Variants in ZNF808 observed in about 807,000 individuals in gnomAD.
ZNF808 encodes zinc finger protein 808.
In ZNF808, 5 loss-of-function variants were observed where a neutral mutation model predicts 8.7. The observed-to-expected ratio is 0.58, with a 90% CI of 0.30 to 1.21. The LOEUF (loss-of-function observed/expected upper bound fraction) is 1.21. Among genes scored for constraint, ZNF808 ranks in the 50% most tolerant of loss-of-function variants. ZNF808 has a pLI of 0.07. For synonymous variants in ZNF808, 380 were observed against 366.0 expected, an observed-to-expected ratio of 1.04 and a Z score of -0.44; for missense variants, 1,103 against 1,098.4, an observed-to-expected ratio of 1.00 and a Z score of -0.06.
At chr19:52,548,509 A>T (rs557813429) in intron 4 of ZNF808, among the ~76,000 whole-genome samples, 100 of 151,774 alleles carry the variant, frequency 6.6e-4, no homozygotes, top group Middle Eastern at 3.4e-3. Flanking sequence ...CACAACCTCC[A>T]CCTTTTGGGT....
At chr19:52,529,911 A>ATTT (rs201852253) in intron 1 of ZNF808, among the ~76,000 whole-genome samples, 116 of 81,916 alleles carry the variant, frequency 1.4e-3, no homozygotes, top group African/African-American at 5.7e-3. Flanking sequence ...ATATATATAT[A>ATTT]TTTTTTTTTT....
At chr19:52,535,552 C>T (rs1255043229) in intron 2 of ZNF808, among the ~76,000 whole-genome samples, 3 of 152,104 alleles carry the variant, frequency 2.0e-5, no homozygotes, top group East Asian at 1.9e-4. Flanking sequence ...TGACCTCACT[C>T]CTCCCTGGCC....
downstream of ZNF808, among the ~76,000 whole-genome samples, chr19:52,565,415 C>T (rs772504926): frequency 6.6e-5 from 10 of 152,138 alleles, no homozygotes; most frequent in African/African-American, 9.7e-5. Context: ...CCATTTTATT[C>T]CTAAACAATA....
exon 4 of ZNF808, chr19:52,564,390 G>A (rs2059867571): frequency 5.0e-6 from 2 of 397,220 alleles, no homozygotes; most frequent in South Asian, 4.1e-5. Context: ...TGGTTGGGTG[G>A]GTTCAGTAAT....
intron 2 of ZNF808, among the ~76,000 whole-genome samples, chr19:52,534,868 C>A (rs1418392779): frequency 6.6e-6 from 1 of 151,666 alleles, no homozygotes; most frequent in South Asian, 2.1e-4. Context: ...CAGCATGGGC[C>A]ACAGAGAAAT....
chr19:52,557,024 G>T (rs1261217262), downstream of ZNF808, among the ~76,000 whole-genome samples: 3 of 152,132 alleles, frequency 2.0e-5, no homozygotes, highest in East Asian at 5.8e-4. Flanking sequence ...CTTGGATGGA[G>T]TGCAGTGGTG....
At chr19:52,534,762 G>T (rs1338836493) in intron 2 of ZNF808, among the ~76,000 whole-genome samples, 1 of 151,908 alleles carries the variant, frequency 6.6e-6, no homozygotes, top group Non-Finnish European at 1.5e-5. Context: ...GGTCGTGTGC[G>T]CTTGTAATAC....
downstream of ZNF808, among the ~76,000 whole-genome samples, chr19:52,566,911 C>T (rs1047017938): frequency 6.6e-6 from 1 of 151,800 alleles, no homozygotes; most frequent in Non-Finnish European, 1.5e-5. Flanking sequence ...AAGCTAATTA[C>T]AGTCATGCTT....
At chr19:52,563,579 A>G (rs907696298) in exon 4 of ZNF808, 2 of 152,560 alleles carry the variant, frequency 1.3e-5, no homozygotes, top group African/African-American at 4.8e-5. Context: ...TAATGAAGTC[A>G]TTGATAGTTT....
chr19:52,535,454 C>G (rs1409994774), intron 2 of ZNF808, among the ~76,000 whole-genome samples: 2 of 152,004 alleles, frequency 1.3e-5, no homozygotes, highest in East Asian at 3.9e-4. Flanking sequence ...CCAGGTTCAG[C>G]GATTCTCCCG....
intron 2 of ZNF808, 38 bp from the exon 3 acceptor site, chr19:52,543,228 C>A: frequency 1.9e-6 from 3 of 1,601,494 alleles, no homozygotes; most frequent in Admixed American, 1.7e-5. Flanking sequence ...GGGAGTGAGT[C>A]ATTTCTAACA....
chr19:52,550,275 G>A (rs2123173114), intron 4 of ZNF808, among the ~76,000 whole-genome samples: 1 of 151,568 alleles, frequency 6.6e-6, no homozygotes, highest in South Asian at 2.1e-4. Context: ...CCGTTGCCCA[G>A]GCTGAAGTTC....
chr19:52,531,651 T>C (rs1321286025), intron 1 of ZNF808, among the ~76,000 whole-genome samples: 4 of 152,184 alleles, frequency 2.6e-5, no homozygotes, highest in Non-Finnish European at 2.9e-5. Context: ...GACCAGGAAG[T>C]CTGCATCATA....
chr19:52,558,560 CAG>C (rs1480598035), downstream of ZNF808, among the ~76,000 whole-genome samples: 1 of 149,796 alleles, frequency 6.7e-6, no homozygotes, highest in Non-Finnish European at 1.5e-5. Flanking sequence ...TTAGTAGAGA[CAG>C]AGTTTCACCA....
intron 3 of ZNF808, among the ~76,000 whole-genome samples, chr19:52,545,349 G>A (rs1479465639): frequency 2.0e-5 from 3 of 152,132 alleles, no homozygotes; most frequent in African/African-American, 7.2e-5. Flanking sequence ...GATGTGATGT[G>A]TGTGCATGAA....
chr19:52,528,976 C>T (rs1440150622), intron 1 of ZNF808, among the ~76,000 whole-genome samples: 5 of 150,064 alleles, frequency 3.3e-5, no homozygotes, highest in Non-Finnish European at 4.4e-5. Flanking sequence ...AAGAGGGGTA[C>T]AAAATGAAGA....
At chr19:52,535,821 A>G (rs1411275071) in intron 2 of ZNF808, among the ~76,000 whole-genome samples, 1 of 151,806 alleles carries the variant, frequency 6.6e-6, no homozygotes, top group Non-Finnish European at 1.5e-5. Flanking sequence ...TCACCTCCAA[A>G]CACCGAAAAA....
At chr19:52,528,945 G>A (rs2059535876) in intron 1 of ZNF808, among the ~76,000 whole-genome samples, 2 of 145,930 alleles carry the variant, frequency 1.4e-5, no homozygotes, top group South Asian at 4.2e-4. Context: ...GAGGGAAGAA[G>A]GGGGATAAAC....
chr19:52,543,476 G>A (rs1324135599), intron 3 of ZNF808, 129 bp downstream of exon 3: 29 of 1,377,178 alleles, frequency 2.1e-5, no homozygotes, highest in Non-Finnish European at 2.7e-5. Context: ...TGCCTGACAC[G>A]TTCACTTGCA....
Sources: allele counts gnomAD v4.1 joint callset (sites outside exome capture counted in the v4.1 genomes callset), GRCh38; gene constraint gnomAD v4.1.1; transcripts MANE v1.5; gene names NCBI Gene and HGNC (gene_info 2026-07-23, HGNC 2026-07-21).